DZIP1: variants seen among roughly 807,000 people sequenced by gnomAD.
DZIP1 encodes DAZ interacting zinc finger protein 1.
Under a neutral mutation model 107.6 loss-of-function variants are expected in DZIP1, and 97 were observed. That is an observed-to-expected ratio of 0.90 (90% confidence interval 0.77 to 1.07). The LOEUF is 1.07. DZIP1 is among the 50% of genes least tolerant of loss of function. The probability of loss-of-function intolerance (pLI) is 0.00; values close to 1 mark genes in which losing one functional copy is unlikely to be tolerated. For synonymous variants in DZIP1, 390 were observed against 386.4 expected (o/e 1.01, Z -0.11); for missense variants, 1,035 against 1,063.6 (o/e 0.97, Z 0.37).
chr13:95,622,620 C>T (rs1003954187), intron 8 of DZIP1, 140 bp from the exon 9 acceptor site: 2 of 849,088 alleles, frequency 2.4e-6, no homozygotes, highest in African/African-American at 1.7e-5. Flanking sequence ...GACGCTTCTC[C>T]TGCTTCTGCT....
intron 14 of DZIP1, among the ~76,000 whole-genome samples, chr13:95,605,273 C>A (rs74109013): frequency 6.6e-6 from 1 of 152,154 alleles, no homozygotes; most frequent in Non-Finnish European, 1.5e-5. Context: ...TCCAGAGCAA[C>A]TGTATGTGAG....
intron 21 of DZIP1, among the ~76,000 whole-genome samples, chr13:95,585,627 C>A (rs1030269315): frequency 2.0e-5 from 3 of 152,146 alleles, no homozygotes; most frequent in African/African-American, 7.2e-5. Context: ...ACTTCGGCTC[C>A]CAAGTGGAGC....
chr13:95,617,208 A>C (rs1049218515), intron 10 of DZIP1, among the ~76,000 whole-genome samples: 92 of 150,574 alleles, frequency 6.1e-4, no homozygotes, highest in African/African-American at 2.0e-3. Context: ...TCTCACCCCA[A>C]AAAAAAAAGA....
At chr13:95,642,285 C>G (rs1299388634) in intron 3 of DZIP1, 44 bp from the exon 4 acceptor site, 3 of 437,750 alleles carry the variant, frequency 6.9e-6, no homozygotes, top group Admixed American at 8.7e-5. Flanking sequence ...CGAGTGGACA[C>G]AGCCGTTCAC....
chr13:95,584,662 T>C (rs1451538710), intron 22 of DZIP1, 74 bp downstream of exon 22: 1 of 1,528,080 alleles, frequency 6.5e-7, no homozygotes, highest in Non-Finnish European at 8.8e-7. Context: ...ATAAGTTAAT[T>C]AGATATTTAT....
intron 13 of DZIP1, among the ~76,000 whole-genome samples, chr13:95,608,811 C>T (rs142879493): frequency 1.5e-3 from 228 of 152,316 alleles, no homozygotes; most frequent in African/African-American, 4.7e-3. Context: ...GGCCCATGAG[C>T]GTGGTGCTGT....
intron 10 of DZIP1, among the ~76,000 whole-genome samples, chr13:95,615,568 G>T (rs140091096): frequency 1.6e-4 from 24 of 152,304 alleles, no homozygotes; most frequent in Middle Eastern, 3.4e-3. Context: ...CCTGTACTTT[G>T]GAAAAGAGTC....
At position 95,589,498 on chromosome 13, in the gene DZIP1, G is replaced by A. The variant is rs1177151966; in HGVS notation, c.1974-291C>T. Among the ~76,000 whole-genome samples, 8 of 152,180 alleles carry A rather than the reference G, an allele frequency of 5.3e-5. No homozygotes were observed. The East Asian group carries it at 1.3e-3, about 26-fold the overall frequency. ...TGGGGGGCCTTTGGGAGGTGATTAA[G>A]TTTAGATGAGGTCATGTGGATGGGG... is the stretch of plus-strand genomic sequence containing the variant. On this transcript the variant is annotated intron_variant, in intron 18 of 22. Transcript: ENST00000376829.
In DZIP1 at chr13:95,644,459, C is replaced by CT. The variant is rs537656968; in HGVS notation, c.-609dup. 593 of 152,998 alleles carry CT rather than the reference C, an allele frequency of 3.9e-3. 1 individual carries two copies. Among genetic ancestry groups the CT allele is most frequent in the Non-Finnish European group, 7.3e-3 (498 of 68,680 alleles). 9.5% of individuals were successfully genotyped at this position (152,998 alleles called of 1,614,324 possible). On this transcript the variant is annotated 5_prime_UTR_variant, in exon 1 of 23. Coordinates refer to ENST00000376829, the MANE Select transcript of DZIP1 (RefSeq NM_198968.4). ...GGGGACCCAGACCCCAGGGTCGCTG[C>CT]TGACGCGGGCCGGGCCCGCGGAGGC...
chr13:95,617,858 T>C, intron 10 of DZIP1: 1 of 516,908 alleles, frequency 1.9e-6, no homozygotes, highest in Non-Finnish European at 3.9e-6. Flanking sequence ...AACAGGAAAG[T>C]ACAGAAGAAC....
In DZIP1 at chr13:95,641,528, G is replaced by GGAT; in HGVS notation, c.361_363dup (p.Ile121dup). The GGAT allele has an allele frequency of 6.2e-7, 1 of 1,614,002 alleles. No individual in the cohort carries two copies. The highest frequency in any genetic ancestry group is 1.1e-5 in the South Asian group (1 of 91,026). On this transcript the variant is annotated inframe_insertion, in exon 5 of 23. Transcript: ENST00000376829. The surrounding 1 kb of genome is among the most constrained non-coding windows in gnomAD (Gnocchi z 4.3). ...TACTCGATGGTGAACTGCGCCAGAC[G>GGAT]GATGAGCTTCAGCAGCACCGGGTCC...
intron 5 of DZIP1, among the ~76,000 whole-genome samples, chr13:95,633,678 CAAAAAA>C (rs567298033): frequency 1.4e-5 from 1 of 71,180 alleles, no homozygotes; most frequent in African/African-American, 5.2e-5. Context: ...GACTCCATCT[CAAAAAA>C]AAAAAAAAAA....
intron 13 of DZIP1, among the ~76,000 whole-genome samples, chr13:95,607,236 A>G (rs1594682687): frequency 6.6e-6 from 1 of 152,088 alleles, no homozygotes; most frequent in East Asian, 1.9e-4. Flanking sequence ...TAGTAGAGAC[A>G]GGGTTTCACC....
chr13:95,641,451 C>T lies in DZIP1; in HGVS notation c.441G>A (p.Glu147=). ...FLTSQLHTLE[E]RLRLSHCDGE... ...CGTCGCAGTGGCTCAGGCGCAGCCG[C>T]TCCTCCAGGGTGTGCAGCTGCGAGG... Residue 147 remains glutamate, a synonymous_variant, in exon 5 of 23, where the codon GAG becomes GAA. Transcript: ENST00000376829. This position sits in a 1 kb window ranked among gnomAD's most constrained non-coding sequence, Gnocchi z 4.3. 2 of 1,614,196 alleles carry T rather than the reference C, an allele frequency of 1.2e-6. No homozygotes were observed. The highest frequency in any genetic ancestry group is 8.5e-7 in the Non-Finnish European group (1 of 1,180,034).
At chr13:95,625,044 AG>A in intron 7 of DZIP1, 115 bp from the exon 8 acceptor site, 1 of 916,328 alleles carries the variant, frequency 1.1e-6, no homozygotes, top group Non-Finnish European at 1.6e-6. Flanking sequence ...TGCTTATTTC[AG>A]TGAGGCTTGT....
intron 5 of DZIP1, among the ~76,000 whole-genome samples, chr13:95,633,712 C>T (rs981371250): frequency 6.6e-6 from 1 of 150,804 alleles, no homozygotes; most frequent in Admixed American, 6.6e-5. Flanking sequence ...ATTCAGGTAC[C>T]TGAAGCACTA....
chr13:95,627,112 C>G (rs1217169898), intron 7 of DZIP1, among the ~76,000 whole-genome samples: 1 of 152,160 alleles, frequency 6.6e-6, no homozygotes, highest in Admixed American at 6.5e-5. Context: ...TCAAAGCCTA[C>G]TACAAAGCTA....
intron 19 of DZIP1, 43 bp from the exon 20 acceptor site, chr13:95,587,772 G>T: frequency 6.4e-7 from 1 of 1,571,842 alleles, no homozygotes. Context: ...TTTTCGTAAC[G>T]CTTTAGGATT....
Position 95,641,214 on chromosome 13 carries a change from G to C in DZIP1, c.597+81C>G. On this transcript the variant is annotated intron_variant, in intron 5 of 22. Coordinates refer to ENST00000376829, the MANE Select transcript of DZIP1 (RefSeq NM_198968.4). This position sits in a 1 kb window ranked among gnomAD's most constrained non-coding sequence, Gnocchi z 4.3. Reference sequence around the variant, plus strand: ...CAATATAAATCTTTAAGAAGAAAGAGTGGTGATACGGGACAGGCCTATCAA... The same window carrying C: ...CAATATAAATCTTTAAGAAGAAAGACTGGTGATACGGGACAGGCCTATCAA... 1 of 1,493,376 alleles carries C rather than the reference G, an allele frequency of 6.7e-7. No homozygotes were observed. Among genetic ancestry groups the C allele is most frequent in the Non-Finnish European group, 9.0e-7 (1 of 1,115,682 alleles). The allele number at this position is 1,493,376 out of a possible 1,614,324, so 92.5% of individuals were successfully genotyped here.
Sources: gnomAD v4.1 joint callset for allele counts (sites outside exome capture counted in the v4.1 genomes callset) on GRCh38, gnomAD v4.1.1 for gene constraint, Gnocchi (gnomAD v3.1) non-coding constraint, MANE v1.5 for transcripts, NCBI Gene and HGNC (gene_info 2026-07-23, HGNC 2026-07-21) for gene names.